VAV2: variants seen among roughly 807,000 people sequenced by gnomAD.
VAV2 encodes the protein guanine nucleotide exchange factor VAV2.
In VAV2, 67 loss-of-function variants were observed where a neutral mutation model predicts 132.5. The ratio of observed to expected loss-of-function variants is 0.51; its 90% CI spans 0.42 to 0.62. The LOEUF is 0.62. Ranked by LOEUF, VAV2 falls within the 20% of genes least tolerant of loss-of-function variation. The pLI is 0.00. For missense variants in VAV2, 938 were observed against 1,153.6 expected, an observed-to-expected ratio of 0.81 and a Z score of 2.71; for synonymous variants, 492 against 443.5, an observed-to-expected ratio of 1.11 and a Z score of -1.37.
chr9:133,966,199 AAT>A (rs1268206992), intron 1 of VAV2, among the ~76,000 whole-genome samples: 7 of 152,236 alleles, frequency 4.6e-5, no homozygotes, highest in Admixed American at 3.9e-4. Flanking sequence ...ACATTGGGGA[AAT>A]GCTTCCGGAC....
intron 2 of VAV2, among the ~76,000 whole-genome samples, chr9:133,916,553 T>G (rs1840097874): frequency 6.7e-6 from 1 of 149,724 alleles, no homozygotes; most frequent in African/African-American, 2.5e-5. Flanking sequence ...GCTGGGTGAG[T>G]GGGGGTCTCA....
chr9:133,825,467 T>C (rs1239553614), intron 4 of VAV2, among the ~76,000 whole-genome samples: 2 of 152,112 alleles, frequency 1.3e-5, no homozygotes, highest in Non-Finnish European at 2.9e-5. Context: ...GCCGTTTTCG[T>C]GGAGTCTGCT....
intron 11 of VAV2, 87 bp downstream of exon 11, chr9:133,796,342 C>G: frequency 2.6e-6 from 3 of 1,160,106 alleles, no homozygotes; most frequent in Non-Finnish European, 3.7e-6. Flanking sequence ...TGTCTGTGGG[C>G]TGCAACCTAT....
chr9:133,864,916 T>C (rs1837741310), intron 2 of VAV2, among the ~76,000 whole-genome samples: 1 of 152,226 alleles, frequency 6.6e-6, no homozygotes, highest in African/African-American at 2.4e-5. Flanking sequence ...AGGAACAAAG[T>C]TGGCTTTGCT....
At chr9:133,966,281 T>C (rs1390874486) in intron 1 of VAV2, among the ~76,000 whole-genome samples, 1 of 152,100 alleles carries the variant, frequency 6.6e-6, no homozygotes, top group African/African-American at 2.4e-5. Context: ...AATAGACAAA[T>C]GGGATTACAT....
At chr9:133,948,151 A>G (rs1233468578) in intron 1 of VAV2, among the ~76,000 whole-genome samples, 1 of 152,090 alleles carries the variant, frequency 6.6e-6, no homozygotes, top group East Asian at 1.9e-4. Flanking sequence ...GTCCGAGGCC[A>G]CTCCAGCTCA....
At position 133,865,566 on chromosome 9, in the gene VAV2, T is replaced by C. The variant is rs61110280; in HGVS notation, c.322-4134A>G. On this transcript the variant is annotated intron_variant, in intron 2 of 29. Transcript: ENST00000371850. ...TTTGAGAATTTCTATTTAGTTCTTTTCTCAAATTCCATCTGTTCTTTTTGT... is the reference window on the plus strand; with the variant it reads ...TTTGAGAATTTCTATTTAGTTCTTTCCTCAAATTCCATCTGTTCTTTTTGT... Among the ~76,000 whole-genome samples, 8 of 152,376 alleles carry C rather than the reference T, an allele frequency of 5.3e-5. No individual in the cohort carries two copies. The East Asian group carries it at 1.2e-3, about 22-fold the overall frequency.
intron 2 of VAV2, among the ~76,000 whole-genome samples, chr9:133,870,886 A>ATAAGGG (rs147386791): frequency 0.15 from 17,297 of 116,310 alleles, 1,750 homozygotes; most frequent in African/African-American, 0.27. Flanking sequence ...GGGTGGATGG[A>ATAAGGG]TATGGGTGAG....
At chr9:133,787,188 C>T (rs1001020160) in intron 16 of VAV2, 58 bp downstream of exon 16, 2 of 1,504,868 alleles carry the variant, frequency 1.3e-6, no homozygotes, top group Non-Finnish European at 1.8e-6. Context: ...GGCAGAAGTG[C>T]CAGCACCAGG....
chr9:133,800,996 C>T (rs931090265), intron 9 of VAV2, among the ~76,000 whole-genome samples: 6 of 152,188 alleles, frequency 3.9e-5, no homozygotes, highest in Non-Finnish European at 7.3e-5. Flanking sequence ...CAGTGGGAGC[C>T]CAAAGAGGAG....
In VAV2 at chr9:133,768,454, C is replaced by T; in HGVS notation, c.2577G>A (p.Glu859=). ...IGGDQGWWKG[E]TNGRIGWFPS... ...TGGGGCCACTCACCCGTCCGTTGGT[C>T]TCGCCCTTCCACCAGCCCTGGTCTC... Residue 859 remains glutamate, a synonymous_variant, in exon 29 of 30, where the codon GAG becomes GAA. Coordinates refer to ENST00000371850, the MANE Select transcript of VAV2 (RefSeq NM_001134398.2). The surrounding 1 kb of genome is among the most constrained non-coding windows in gnomAD (Gnocchi z 5.3). The T allele has an allele frequency of 6.2e-7, 1 of 1,613,336 alleles. No homozygotes were observed. Among genetic ancestry groups the T allele is most frequent in the Non-Finnish European group, 8.5e-7 (1 of 1,179,938 alleles).
intron 1 of VAV2, among the ~76,000 whole-genome samples, chr9:133,976,925 G>A (rs745854377): frequency 3.9e-5 from 6 of 152,238 alleles, no homozygotes; most frequent in Non-Finnish European, 5.9e-5. Context: ...AGCACACAGT[G>A]TGAGCAGCTC....
At chr9:133,890,623 C>A (rs542211867) in intron 2 of VAV2, among the ~76,000 whole-genome samples, 5 of 152,192 alleles carry the variant, frequency 3.3e-5, no homozygotes, top group African/African-American at 1.2e-4. Context: ...CCCTCCCTTG[C>A]AGAAAGGAAT....
chr9:133,763,707 C>T lies in VAV2; in HGVS notation c.*355G>A. ...CCTGGGACAGCATCTGCTGTTCAAA[C>T]CTAGGCTCCTGAAGGCCATCTCAGT... On this transcript the variant is annotated 3_prime_UTR_variant, in exon 30 of 30. Transcript: ENST00000371850. This position sits in a 1 kb window ranked among gnomAD's most constrained non-coding sequence, Gnocchi z 6.8. The T allele has an allele frequency of 3.3e-6, 1 of 307,374 alleles. No homozygotes were observed. The highest frequency in any genetic ancestry group is 3.8e-5 in the South Asian group (1 of 26,522). 19.0% of individuals were successfully genotyped at this position (307,374 alleles called of 1,614,324 possible). A position where few individuals can be genotyped will look rare whatever the true frequency, so the allele number is the denominator to read the frequency against.
chr9:133,837,147 C>T (rs962220993), intron 3 of VAV2, among the ~76,000 whole-genome samples: 4 of 152,198 alleles, frequency 2.6e-5, no homozygotes, highest in African/African-American at 9.6e-5. Context: ...AGTAATAGTG[C>T]CTTCTCAGAG....
At chr9:133,836,991 GC>G (rs1460009592) in intron 3 of VAV2, among the ~76,000 whole-genome samples, 1 of 152,214 alleles carries the variant, frequency 6.6e-6, no homozygotes, top group Non-Finnish European at 1.5e-5. Context: ...TGCCAGGAGA[GC>G]TGAGCCCGGG....
intron 1 of VAV2, among the ~76,000 whole-genome samples, chr9:133,978,349 A>C (rs1266908034): frequency 6.6e-6 from 1 of 152,192 alleles, no homozygotes; most frequent in Non-Finnish European, 1.5e-5. Context: ...GTCCTTAACA[A>C]CAGAAGACAG....
intron 5 of VAV2, among the ~76,000 whole-genome samples, 171 bp downstream of exon 5, chr9:133,811,943 G>A (rs1182884987): frequency 6.6e-6 from 1 of 152,188 alleles, no homozygotes; most frequent in Non-Finnish European, 1.5e-5. Context: ...GAGGAGCTCC[G>A]TGGGGACTGG....
intron 1 of VAV2, among the ~76,000 whole-genome samples, chr9:133,960,051 A>G (rs1841916350): frequency 6.6e-6 from 1 of 152,108 alleles, no homozygotes; most frequent in African/African-American, 2.4e-5. Context: ...CAAACCTTAC[A>G]ACCGCCAGGC....
Sources: gnomAD v4.1 joint callset for allele counts (sites outside exome capture counted in the v4.1 genomes callset) on GRCh38, gnomAD v4.1.1 for gene constraint, Gnocchi (gnomAD v3.1) non-coding constraint, MANE v1.5 for transcripts, NCBI Gene and HGNC (gene_info 2026-07-23, HGNC 2026-07-21) for gene names.